The following USP49 variants were observed in gnomAD, a reference collection of about 807,000 sequenced individuals.
USP49 encodes the protein ubiquitin specific peptidase 49.
A neutral mutation model predicts 58.6 loss-of-function variants in USP49; 24 were observed. The observed-to-expected ratio is 0.41, with a 90% confidence interval of 0.30 to 0.58. The LOEUF is 0.58. USP49 is among the 20% of genes least tolerant of loss of function. USP49 has a pLI of 0.30. For missense variants in USP49, 703 were observed against 866.1 expected, an observed-to-expected ratio of 0.81 and a Z score of 2.36; for synonymous variants, 408 against 365.1, an observed-to-expected ratio of 1.12 and a Z score of -1.34.
At chr6:41,837,000 G>A (rs1440528156) in intron 3 of USP49, among the ~76,000 whole-genome samples, 2 of 152,114 alleles carry the variant, frequency 1.3e-5, no homozygotes, top group Non-Finnish European at 2.9e-5. Context: ...TCATGGATAA[G>A]AAGAATCAAT....
intron 3 of USP49, among the ~76,000 whole-genome samples, chr6:41,852,038 G>A (rs1774040034): frequency 6.6e-6 from 1 of 151,326 alleles, no homozygotes; most frequent in Non-Finnish European, 1.5e-5. Context: ...AGAAAATCCT[G>A]GGCCGGGCAC....
intron 2 of USP49, among the ~76,000 whole-genome samples, chr6:41,879,414 T>C (rs1168164073): frequency 1.3e-5 from 2 of 152,038 alleles, no homozygotes; most frequent in African/African-American, 2.4e-5. Flanking sequence ...TTTCTAGTTT[T>C]ATGTAGAGAC....
chr6:41,839,404 C>CAAA (rs538220746), intron 3 of USP49, among the ~76,000 whole-genome samples: 1,243 of 22,298 alleles, frequency 0.056, 329 homozygotes, highest in Non-Finnish European at 0.077. Context: ...GGCCTTGTCT[C>CAAA]AAAAAAAAAA....
At chr6:41,820,288 C>T (rs2127333863) in intron 3 of USP49, among the ~76,000 whole-genome samples, 1 of 151,562 alleles carries the variant, frequency 6.6e-6, no homozygotes, top group South Asian at 2.1e-4. Flanking sequence ...AGTTGTGAAA[C>T]CACTGCAATT....
chr6:41,871,995 C>T (rs929304786), intron 2 of USP49, among the ~76,000 whole-genome samples: 1 of 152,162 alleles, frequency 6.6e-6, no homozygotes, highest in African/African-American at 2.4e-5. Flanking sequence ...CAAAAATACT[C>T]GAATATCAAA....
In USP49 at chr6:41,877,103, G is replaced by C. The variant is rs1243812449; in HGVS notation, c.-102-5466C>G. ...TAGAAAGCATGAACAAAAGGCTCAAGGTCTGCTGACTTTACTAACATTCAA... is the reference window on the plus strand; with the variant it reads ...TAGAAAGCATGAACAAAAGGCTCAACGTCTGCTGACTTTACTAACATTCAA... On this transcript the variant is annotated intron_variant, in intron 2 of 7. Coordinates refer to ENST00000682992, the MANE Select transcript of USP49 (RefSeq NM_001286554.2). Among the ~76,000 whole-genome samples, 5 of 152,156 alleles carry C rather than the reference G, an allele frequency of 3.3e-5. No homozygotes were observed. In the East Asian group the frequency reaches 9.6e-4, roughly 29 times the overall value.
chr6:41,835,496 G>A (rs1047968010), intron 3 of USP49, among the ~76,000 whole-genome samples: 2 of 151,284 alleles, frequency 1.3e-5, no homozygotes, highest in African/African-American at 4.9e-5. Flanking sequence ...GGTGGATCAC[G>A]AGGTCAAGAG....
In USP49 at chr6:41,791,691, T is replaced by A. The variant is rs1289652556; in HGVS notation, c.*4842A>T. ...GAAGTATGGAATGAGTCCACAAAAA[T>A]GAGTGCCTGCCACAATGCTATAGTA... On this transcript the variant is annotated 3_prime_UTR_variant, in exon 8 of 8. Coordinates refer to ENST00000682992, the MANE Select transcript of USP49 (RefSeq NM_001286554.2). 1 of 152,168 alleles carries A rather than the reference T, an allele frequency of 6.6e-6. No homozygotes were observed. Among genetic ancestry groups the A allele is most frequent in the East Asian group, 1.9e-4 (1 of 5,200 alleles). 9.4% of individuals were successfully genotyped at this position (152,168 alleles called of 1,614,324 possible).
intron 3 of USP49, among the ~76,000 whole-genome samples, chr6:41,855,175 T>C (rs1582023405): frequency 2.6e-5 from 4 of 151,838 alleles, no homozygotes; most frequent in Non-Finnish European, 5.9e-5. Context: ...GCTCTTCTGC[T>C]ATAGAGACTT....
rs1163651551 is a variant in USP49, at chr6:41,805,877, C to A, written c.1107G>T (p.Trp369Cys). The A allele has an allele frequency of 6.2e-7, 1 of 1,614,008 alleles. No homozygotes were observed. Among genetic ancestry groups the A allele is most frequent in the Non-Finnish European group, 8.5e-7 (1 of 1,180,020 alleles). The change falls in exon 4 of 8, where the codon TGG becomes TGT. Residue 369 changes from tryptophan to cysteine, a missense_variant. Around this residue, in one of 6 missense-constraint regions of USP49, gnomAD observed 66 missense variants for 116.0 expected, o/e 0.57. Transcript: ENST00000682992. ...GCGACACTAGGGCCCACTTCCCGGA[C>A]CACATGACTCGGAAGAGGGTGTGCA... The part of the protein sequence containing the change: ...RELHTLFRVM[W>C]SGKWALVSPF...
At chr6:41,858,871 G>A (rs1774174095) in intron 3 of USP49, among the ~76,000 whole-genome samples, 1 of 152,006 alleles carries the variant, frequency 6.6e-6, no homozygotes, top group Admixed American at 6.6e-5. Context: ...ATTTACTTAT[G>A]TATAGTCATT....
At chr6:41,874,397 AC>A (rs930080144) in intron 2 of USP49, among the ~76,000 whole-genome samples, 2 of 152,158 alleles carry the variant, frequency 1.3e-5, no homozygotes, top group African/African-American at 4.8e-5. Flanking sequence ...TTGAAACCTT[AC>A]CCAATTTACT....
chr6:41,799,577 T>C (rs555489235), intron 6 of USP49, among the ~76,000 whole-genome samples: 1 of 152,342 alleles, frequency 6.6e-6, no homozygotes, highest in East Asian at 1.9e-4. Flanking sequence ...TAGAAAATCT[T>C]TAAGCACAGA....
At chr6:41,877,899 C>T (rs1179151583) in intron 2 of USP49, among the ~76,000 whole-genome samples, 1 of 152,082 alleles carries the variant, frequency 6.6e-6, no homozygotes, top group Non-Finnish European at 1.5e-5. Context: ...TTAAATTTTA[C>T]TTCCTAGGCA....
intron 3 of USP49, among the ~76,000 whole-genome samples, chr6:41,839,935 C>CT (rs929409888): frequency 2.0e-5 from 3 of 151,846 alleles, no homozygotes; most frequent in African/African-American, 7.3e-5. Context: ...GAAATTGCCA[C>CT]TAAAGAACTT....
intron 3 of USP49, among the ~76,000 whole-genome samples, chr6:41,828,424 G>C (rs1773579669): frequency 6.6e-6 from 1 of 152,164 alleles, no homozygotes; most frequent in Non-Finnish European, 1.5e-5. Context: ...ACTCCAGCCT[G>C]GGAGACAGAG....
intron 3 of USP49, among the ~76,000 whole-genome samples, chr6:41,846,724 A>C (rs911327990): frequency 6.6e-6 from 1 of 152,190 alleles, no homozygotes; most frequent in African/African-American, 2.4e-5. Context: ...ATGTCCTTTC[A>C]TGTCCTTCTT....
chr6:41,809,603 G>A (rs1459761777), intron 3 of USP49, among the ~76,000 whole-genome samples: 2 of 151,360 alleles, frequency 1.3e-5, no homozygotes, highest in African/African-American at 4.9e-5. Context: ...GAGGCGGGAG[G>A]ATCACAAGGT....
intron 3 of USP49, among the ~76,000 whole-genome samples, chr6:41,807,445 T>C (rs1182105659): frequency 6.6e-6 from 1 of 152,220 alleles, no homozygotes; most frequent in Non-Finnish European, 1.5e-5. Context: ...GAACATTGTA[T>C]ATGTGGTTTT....
Sources: gnomAD v4.1 joint callset for allele counts (sites outside exome capture counted in the v4.1 genomes callset) on GRCh38, gnomAD v4.1.1 for gene constraint, gnomAD v4.1.1 regional missense constraint, MANE v1.5 for transcripts, NCBI Gene and HGNC (gene_info 2026-07-23, HGNC 2026-07-21) for gene names.